RIPOR3: variants seen among roughly 807,000 people sequenced by gnomAD.
RIPOR3 encodes family with sequence similarity 65 member C.
In RIPOR3, 95 loss-of-function variants were observed where a neutral mutation model predicts 114.3. The observed-to-expected ratio is 0.83, with a 90% CI of 0.70 to 0.99. The LOEUF (loss-of-function observed/expected upper bound fraction) is 0.99, where lower values mean the gene tolerates loss of function less well. Among genes scored for constraint, RIPOR3 ranks in the 50% least tolerant of loss-of-function variants. The pLI, the probability that RIPOR3 is intolerant of heterozygous loss-of-function variation, is 0.00. For synonymous variants in RIPOR3, 575 were observed against 543.8 expected (o/e 1.06, Z -0.80); for missense variants, 1,252 against 1,266.9 (o/e 0.99, Z 0.18).
chr20:50,649,341 A>G (rs1262824314), intron 1 of RIPOR3, among the ~76,000 whole-genome samples: 1 of 152,176 alleles, frequency 6.6e-6, no homozygotes, highest in African/African-American at 2.4e-5. Flanking sequence ...GCTACTCGGG[A>G]GGCTGAGGCA....
intron 16 of RIPOR3, 52 bp from the exon 17 acceptor site, chr20:50,594,766 CAAGGACCCGA>C (rs1175673519): frequency 2.5e-6 from 4 of 1,569,328 alleles, no homozygotes; most frequent in Admixed American, 1.8e-5. Context: ...GAGCACATGA[CAAGGACCCGA>C]AAGGTTTCCC....
chr20:50,675,553 C>G (rs6091195), intron 1 of RIPOR3, among the ~76,000 whole-genome samples: 1 of 152,222 alleles, frequency 6.6e-6, no homozygotes, highest in Non-Finnish European at 1.5e-5. Flanking sequence ...ATGCCAAGTG[C>G]TAGAGCCACT....
intron 1 of RIPOR3, among the ~76,000 whole-genome samples, chr20:50,634,522 G>A (rs1383920455): frequency 6.6e-6 from 1 of 152,070 alleles, no homozygotes; most frequent in Non-Finnish European, 1.5e-5. Context: ...TCCTAGACAG[G>A]GAGCTCCCTG....
chr20:50,667,030 A>C (rs915124661), intron 1 of RIPOR3, among the ~76,000 whole-genome samples: 1 of 152,136 alleles, frequency 6.6e-6, no homozygotes, highest in Admixed American at 6.5e-5. Context: ...CCTCCCCTAC[A>C]AACAAAGCTT....
rs1465986577 is a variant in RIPOR3, at chr20:50,595,305, G to A, written c.2050+64C>T. ...ATTAGGAAGGCAGAAGAGGCTCCCC[G>A]AGCTTTGATCCCGTCCCCGTGCCGC... On this transcript the variant is annotated intron_variant, in intron 16 of 21. Coordinates refer to ENST00000327979, the MANE Select transcript of RIPOR3 (RefSeq NM_001290268.2). The A allele has an allele frequency of 2.8e-5, 45 of 1,580,862 alleles. No homozygotes were observed. The South Asian group carries it at 3.2e-4, about 11-fold the overall frequency.
At chr20:50,666,137 C>A (rs2086182650) in intron 1 of RIPOR3, among the ~76,000 whole-genome samples, 1 of 138,296 alleles carries the variant, frequency 7.2e-6, no homozygotes, top group Non-Finnish European at 1.6e-5. Flanking sequence ...CATTTTTCTT[C>A]AATTCAGCCA....
intron 2 of RIPOR3, among the ~76,000 whole-genome samples, chr20:50,622,634 G>A (rs1036610989): frequency 2.0e-5 from 3 of 151,672 alleles, no homozygotes; most frequent in Non-Finnish European, 4.4e-5. Flanking sequence ...GAATAGCCTC[G>A]TGAAGCAGAC....
In RIPOR3 at chr20:50,602,386, C is replaced by G. The variant is rs143391717; in HGVS notation, c.1345G>C (p.Asp449His). Reference sequence around the variant, plus strand: ...GGCAGGAGACCTGGGGGCAGGGGGTCCTCCCGAGCCTCCTCTTCAATGGAG... The same window carrying G: ...GGCAGGAGACCTGGGGGCAGGGGGTGCTCCCGAGCCTCCTCTTCAATGGAG... ...HASIEEEARE[D>H]PLPPGLLPEM... Residue 449 changes from aspartate (D) to histidine (H), a missense_variant, in exon 13 of 22, where the codon GAC becomes CAC. Coordinates refer to ENST00000327979, the MANE Select transcript of RIPOR3 (RefSeq NM_001290268.2). This position sits in a 1 kb window ranked among gnomAD's most constrained non-coding sequence, Gnocchi z 4.3. 86 of 1,612,256 alleles carry G rather than the reference C, an allele frequency of 5.3e-5. 1 individual carries two copies. The African/African-American group carries it at 8.8e-4, about 16-fold the overall frequency.
intron 3 of RIPOR3, among the ~76,000 whole-genome samples, chr20:50,616,488 G>A (rs1030754858): frequency 6.6e-6 from 1 of 152,068 alleles, no homozygotes; most frequent in African/African-American, 2.4e-5. Context: ...GACTACAGGT[G>A]TGTGCCACCA....
chr20:50,609,774 A>G (rs1364385077), intron 6 of RIPOR3, 52 bp from the exon 7 acceptor site: 9 of 1,352,628 alleles, frequency 6.7e-6, no homozygotes, highest in Non-Finnish European at 1.9e-6. Flanking sequence ...GGGCGGCCCC[A>G]CACCTGCCTG....
intron 11 of RIPOR3, among the ~76,000 whole-genome samples, chr20:50,606,869 A>G (rs909571165): frequency 6.6e-6 from 1 of 152,022 alleles, no homozygotes; most frequent in Non-Finnish European, 1.5e-5. Context: ...AGCTGAAACT[A>G]TAGGCCCGTG....
In RIPOR3 at chr20:50,602,589, G is replaced by A. The variant is rs2083543429; in HGVS notation, c.1142C>T (p.Thr381Ile). The A allele has an allele frequency of 6.6e-7, 1 of 1,519,978 alleles. No individual in the cohort carries two copies. Among genetic ancestry groups the A allele is most frequent in the Non-Finnish European group, 8.8e-7 (1 of 1,136,090 alleles). The allele number at this position is 1,519,978 out of a possible 1,614,324, so 94.2% of individuals were successfully genotyped here. The change falls in exon 13 of 22, where the codon ACC becomes ATC. Residue 381 changes from threonine (T) to isoleucine (I), a missense_variant. Physicochemically the swap from Thr to Ile is moderately conservative, Grantham distance 89. Transcript: ENST00000327979. The surrounding 1 kb of genome is among the most constrained non-coding windows in gnomAD (Gnocchi z 4.3). ...GTCAGACAGGTAGCTGAGGATGGAGGTGGCCCTTGGGCCACCCAGCAGCAA... is the reference window on the plus strand; with the variant it reads ...GTCAGACAGGTAGCTGAGGATGGAGATGGCCCTTGGGCCACCCAGCAGCAA... The part of the protein sequence containing the change: ...QALLLGGPRA[T>I]SILSYLSDSD...
At chr20:50,592,280 A>G in intron 19 of RIPOR3, 64 bp downstream of exon 19, 1 of 1,457,040 alleles carries the variant, frequency 6.9e-7, no homozygotes. Context: ...TTCCATGAGA[A>G]CACCAGCTTA....
intron 1 of RIPOR3, among the ~76,000 whole-genome samples, chr20:50,644,736 A>G (rs2085339266): frequency 1.7e-5 from 2 of 120,224 alleles, no homozygotes; most frequent in South Asian, 5.0e-4. Flanking sequence ...TGCCCAGACT[A>G]TTCTCAAACT....
chr20:50,620,845 C>A, intron 2 of RIPOR3: 1 of 816,524 alleles, frequency 1.2e-6, no homozygotes, highest in Non-Finnish European at 2.1e-6. Flanking sequence ...ACAGCCGCTG[C>A]AGTGGGTGTC....
chr20:50,597,456 G>T, intron 14 of RIPOR3, 124 bp downstream of exon 14: 1 of 1,371,264 alleles, frequency 7.3e-7, no homozygotes. Flanking sequence ...GCACGATAGA[G>T]TGACAAGAGC....
chr20:50,674,641 G>A (rs2086628082), intron 1 of RIPOR3, among the ~76,000 whole-genome samples: 1 of 149,302 alleles, frequency 6.7e-6, no homozygotes, highest in Non-Finnish European at 1.5e-5. Flanking sequence ...CTAATGACTG[G>A]TGTCCTTATT....
Position 50,602,566 on chromosome 20 carries a change from C to A in RIPOR3, c.1165G>T (p.Asp389Tyr). 6.5e-7 allele frequency: 1 copy of A among 1,537,386 alleles called. No individual in the cohort carries two copies. Among genetic ancestry groups the A allele is most frequent in the Non-Finnish European group, 8.7e-7 (1 of 1,143,936 alleles). ...RATSILSYLS[D>Y]SDLRGPSLRS... The stretch of plus-strand genomic sequence containing the variant: ...AGGCTGGGACCCCGGAGGTCGCTGT[C>A]AGACAGGTAGCTGAGGATGGAGGTG... The change falls in exon 13 of 22, where the codon GAC becomes TAC. Residue 389 changes from aspartate (D) to tyrosine (Y), a missense_variant. Physicochemically the swap from Asp to Tyr is radical, Grantham distance 160. Transcript: ENST00000327979. This position sits in a 1 kb window ranked among gnomAD's most constrained non-coding sequence, Gnocchi z 4.3.
At chr20:50,681,271 A>T (rs1163611135) in intron 1 of RIPOR3, among the ~76,000 whole-genome samples, 450 of 40,946 alleles carry the variant, frequency 0.011, 3 homozygotes, top group Admixed American at 0.047. Context: ...ACAATAAGGC[A>T]CTAGAAAAAA....
Sources: gnomAD v4.1 joint callset for allele counts (sites outside exome capture counted in the v4.1 genomes callset) on GRCh38, gnomAD v4.1.1 for gene constraint, Gnocchi (gnomAD v3.1) non-coding constraint, MANE v1.5 for transcripts, NCBI Gene and HGNC (gene_info 2026-07-23, HGNC 2026-07-21) for gene names.